DPYSL4: variants seen among roughly 807,000 people sequenced by gnomAD.
The protein encoded by DPYSL4 is dihydropyrimidinase like 4.
A neutral mutation model predicts 63.4 loss-of-function variants in DPYSL4; 43 were observed. The observed-to-expected ratio is 0.68, with a 90% CI of 0.53 to 0.88. The LOEUF is 0.88. DPYSL4 is among the 40% of genes least tolerant of loss of function. The probability of loss-of-function intolerance (pLI) is 0.00; values close to 1 mark genes in which losing one functional copy is unlikely to be tolerated. For missense variants in DPYSL4, 733 were observed against 819.5 expected (o/e 0.89, Z 1.29); for synonymous variants, 353 against 331.7 (o/e 1.06, Z -0.70).
intron 1 of DPYSL4, 29 bp downstream of exon 1, chr10:132,187,131 C>T: frequency 6.6e-7 from 1 of 1,511,786 alleles, no homozygotes. Flanking sequence ...CGCCCGGCGC[C>T]CCCTGCCCGC....
chr10:132,202,523 G>A (rs1375411473), intron 11 of DPYSL4, 123 bp from the exon 12 acceptor site: 1 of 1,260,398 alleles, frequency 7.9e-7, no homozygotes, highest in East Asian at 2.5e-5. Flanking sequence ...CTTGCTAGGG[G>A]CTCAGTGTAG....
intron 12 of DPYSL4, among the ~76,000 whole-genome samples, chr10:132,203,186 T>C (rs765933561): frequency 6.6e-6 from 1 of 152,188 alleles, no homozygotes; most frequent in Non-Finnish European, 1.5e-5. Flanking sequence ...GTGTGGGTCC[T>C]TCTGGGATTC....
At chr10:132,192,425 G>A in intron 2 of DPYSL4, 1 of 1,176,486 alleles carries the variant, frequency 8.5e-7, no homozygotes, top group Non-Finnish European at 1.1e-6. Flanking sequence ...GAAAACCACA[G>A]GGCGTGGCGT....
chr10:132,192,372 CTCCG>C, intron 2 of DPYSL4: 1 of 1,072,482 alleles, frequency 9.3e-7, no homozygotes, highest in Non-Finnish European at 1.1e-6. Context: ...TGTCAAGCTG[CTCCG>C]TCCTCTAGTC....
chr10:132,200,212 C>T, intron 8 of DPYSL4, 144 bp from the exon 9 acceptor site: 1 of 1,073,940 alleles, frequency 9.3e-7, no homozygotes, highest in Non-Finnish European at 1.3e-6. Context: ...ACTTCCTGCC[C>T]AGGGCCAGGG....
chr10:132,193,609 C>T (rs1021111226), intron 3 of DPYSL4, among the ~76,000 whole-genome samples: 7 of 152,254 alleles, frequency 4.6e-5, no homozygotes, highest in African/African-American at 1.4e-4. Flanking sequence ...GCACAGACAT[C>T]GCTGCTGTGG....
intron 3 of DPYSL4, among the ~76,000 whole-genome samples, chr10:132,193,499 G>A (rs958015452): frequency 1.3e-5 from 2 of 152,192 alleles, no homozygotes; most frequent in Non-Finnish European, 2.9e-5. Flanking sequence ...TGCCCACCAC[G>A]AGCACGTGGT....
chr10:132,195,057 G>A, intron 4 of DPYSL4, 48 bp downstream of exon 4: 1 of 1,572,306 alleles, frequency 6.4e-7, no homozygotes, highest in Non-Finnish European at 8.6e-7. Flanking sequence ...GCCTGGTGGA[G>A]GAGCCTCTGC....
At position 132,200,459 on chromosome 10, in the gene DPYSL4, C is replaced by G; in HGVS notation, c.915C>G (p.Pro305=). 6.2e-7 allele frequency: 1 copy of G among 1,613,504 alleles called. No homozygotes were observed. The highest frequency in any genetic ancestry group is 8.5e-7 in the Non-Finnish European group (1 of 1,179,920). ...WAKAAAFVTS[P]PVNPDPTTAD... ...AGGCCGCAGCCTTCGTCACATCACC[C>G]CCTGTCAACCCAGACCCCACCACGG... is the stretch of plus-strand genomic sequence containing the variant. The change falls in exon 9 of 14, where the codon CCC becomes CCG. Residue 305 remains proline (P), a synonymous_variant. Coordinates refer to ENST00000338492, the MANE Select transcript of DPYSL4 (RefSeq NM_006426.3).
chr10:132,188,046 C>A (rs2061828404), intron 1 of DPYSL4, among the ~76,000 whole-genome samples: 1 of 152,122 alleles, frequency 6.6e-6, no homozygotes, highest in African/African-American at 2.4e-5. Flanking sequence ...AGGAGCCCTC[C>A]CCTCTCCAGA....
At chr10:132,202,608 AGCG>A in intron 11 of DPYSL4, 35 bp from the exon 12 acceptor site, 1 of 1,606,880 alleles carries the variant, frequency 6.2e-7, no homozygotes, top group Non-Finnish European at 8.5e-7. Context: ...GTTGGGCCCC[AGCG>A]TGGAGGCACT....
chr10:132,196,475 C>T (rs1319220918), intron 4 of DPYSL4, among the ~76,000 whole-genome samples: 1 of 152,008 alleles, frequency 6.6e-6, no homozygotes. Flanking sequence ...CCCAGCACAG[C>T]GCGGCCCTGG....
Position 132,186,994 on chromosome 10 carries a change from T to TCCGCCCCCCCCCCCCCCCCC in DPYSL4, c.-68_-67insGCCCCCCCCCCCCCCCCCCC, listed in dbSNP as rs1304489463. The TCCGCCCCCCCCCCCCCCCCC allele has an allele frequency of 2.7e-5, 6 of 218,992 alleles. No individual in the cohort carries two copies. Among genetic ancestry groups the TCCGCCCCCCCCCCCCCCCCC allele is most frequent in the South Asian group, 1.5e-4 (2 of 13,470 alleles). The allele number at this position is 218,992 out of a possible 1,614,324, so 13.6% of individuals were successfully genotyped here. A position where few individuals can be genotyped will look rare whatever the true frequency, so the allele number is the denominator to read the frequency against. ...CCACGCACGCGTCCCGGCTCACGCG[T>TCCGCCCCCCCCCCCCCCCCC]CCCCCCGCCCGCCCGCCCGCCCGCC... On this transcript the variant is annotated 5_prime_UTR_variant, in exon 1 of 14. Transcript: ENST00000338492.
At chr10:132,204,545 A>G (rs1399835627) in intron 13 of DPYSL4, among the ~76,000 whole-genome samples, 7 of 152,142 alleles carry the variant, frequency 4.6e-5, no homozygotes, top group Admixed American at 4.6e-4. Context: ...CGGAACCCAG[A>G]GCAGGGACGA....
At chr10:132,193,051 T>G (rs2061898202) in intron 3 of DPYSL4, among the ~76,000 whole-genome samples, 1 of 152,168 alleles carries the variant, frequency 6.6e-6, no homozygotes, top group African/African-American at 2.4e-5. Flanking sequence ...GGAATGCTCC[T>G]GGGATTTCCA....
chr10:132,195,835 G>T (rs894512281), intron 4 of DPYSL4, among the ~76,000 whole-genome samples: 1 of 152,218 alleles, frequency 6.6e-6, no homozygotes, highest in Admixed American at 6.5e-5. Flanking sequence ...GACTCGGGAG[G>T]CCTGTGGCCT....
At chr10:132,190,893 G>C in intron 2 of DPYSL4, 58 bp downstream of exon 2, 1 of 1,525,938 alleles carries the variant, frequency 6.6e-7, no homozygotes, top group South Asian at 1.1e-5. Context: ...CGCTGGTCAC[G>C]TGGTATCCAG....
Position 132,202,666 on chromosome 10 carries a change from CGAGG to C in DPYSL4, c.1306_1309del (p.Gly436TrpfsTer11). On this transcript the variant is annotated frameshift_variant, in exon 12 of 14. Coordinates refer to ENST00000338492, the MANE Select transcript of DPYSL4 (RefSeq NM_006426.3). LOFTEE classifies it high-confidence loss of function. ...CCCAGAACGTGGAGTACAACATCTT[CGAGG>C]GAGTGGAGTGCCGGGGAGCGCCTGC... 1 of 1,612,854 alleles carries C rather than the reference CGAGG, an allele frequency of 6.2e-7. No individual in the cohort carries two copies. Among genetic ancestry groups the C allele is most frequent in the Non-Finnish European group, 8.5e-7 (1 of 1,179,956 alleles).
At chr10:132,196,523 A>T (rs1356793699) in intron 4 of DPYSL4, among the ~76,000 whole-genome samples, 1 of 152,212 alleles carries the variant, frequency 6.6e-6, no homozygotes, top group Non-Finnish European at 1.5e-5. Context: ...ACCCAGGCCG[A>T]GAGCCCAGGC....
Sources: gnomAD v4.1 joint callset for allele counts (sites outside exome capture counted in the v4.1 genomes callset) on GRCh38, gnomAD v4.1.1 for gene constraint, MANE v1.5 for transcripts, NCBI Gene and HGNC (gene_info 2026-07-23, HGNC 2026-07-21) for gene names.